The following CENPC variants were observed in gnomAD, a reference collection of about 807,000 sequenced individuals.
CENPC encodes the protein centromere protein C.
A neutral mutation model predicts 112.1 loss-of-function variants in CENPC; 63 were observed. The ratio of observed to expected loss-of-function variants is 0.56; its 90% CI spans 0.46 to 0.69. The LOEUF (loss-of-function observed/expected upper bound fraction) is 0.69. Among genes scored for constraint, CENPC ranks in the 30% least tolerant of loss-of-function variants. The probability of loss-of-function intolerance (pLI) is 0.00; values close to 1 mark genes in which losing one functional copy is unlikely to be tolerated. For missense variants in CENPC, 1,000 were observed against 1,103.8 expected, an observed-to-expected ratio of 0.91 and a Z score of 1.33; for synonymous variants, 333 against 367.6, an observed-to-expected ratio of 0.91 and a Z score of 1.08.
chr4:67,521,513 T>A (rs1404751316), intron 5 of CENPC, among the ~76,000 whole-genome samples: 3 of 152,168 alleles, frequency 2.0e-5, no homozygotes, highest in Non-Finnish European at 4.4e-5. Flanking sequence ...GGATGACTAT[T>A]ATTTATAAAA....
Position 67,519,516 on chromosome 4 carries a change from A to T in CENPC, c.332-14T>A. The stretch of plus-strand genomic sequence containing the variant: ...CATGGGCCTGAACTAGAAGAAAATT[A>T]TATAAAGATATTTGTCAATTAAAAG... On this transcript the variant is annotated splice_polypyrimidine_tract_variant and intron_variant, in intron 5 of 18. Coordinates refer to ENST00000273853, the MANE Select transcript of CENPC (RefSeq NM_001812.4). 7.0e-7 allele frequency: 1 copy of T among 1,426,222 alleles called. No individual in the cohort carries two copies. Among genetic ancestry groups the T allele is most frequent in the Middle Eastern group, 1.9e-4 (1 of 5,326 alleles). 88.3% of individuals were successfully genotyped at this position (1,426,222 alleles called of 1,614,324 possible). A position where few individuals can be genotyped will look rare whatever the true frequency, so the allele number is the denominator to read the frequency against.
intron 12 of CENPC, among the ~76,000 whole-genome samples, chr4:67,497,239 A>T (rs906455840): frequency 1.3e-5 from 2 of 151,860 alleles, no homozygotes; most frequent in Non-Finnish European, 2.9e-5. Context: ...TTAGCCGGGC[A>T]TGGTGGCACA....
intron 10 of CENPC, among the ~76,000 whole-genome samples, chr4:67,507,666 A>G (rs1339269269): frequency 3.3e-5 from 5 of 152,142 alleles, no homozygotes; most frequent in African/African-American, 9.7e-5. Flanking sequence ...TTTACCAAAC[A>G]TTCAAAGAGA....
intron 12 of CENPC, among the ~76,000 whole-genome samples, chr4:67,504,222 T>C (rs1171900851): frequency 6.6e-6 from 1 of 151,502 alleles, no homozygotes; most frequent in African/African-American, 2.4e-5. Flanking sequence ...GAAAAATCAC[T>C]ACAATTTAGA....
At chr4:67,492,050 G>C (rs1485222481) in intron 16 of CENPC, 130 bp downstream of exon 16, 3 of 585,086 alleles carry the variant, frequency 5.1e-6, no homozygotes, top group Non-Finnish European at 8.8e-6. Flanking sequence ...GTTGGAATTA[G>C]ACTCTTCTGG....
At chr4:67,509,201 TACACATAC>T (rs1560431533) in intron 9 of CENPC, 96 bp from the exon 10 acceptor site, 6 of 576,176 alleles carry the variant, frequency 1.0e-5, no homozygotes, top group African/African-American at 5.2e-5. Context: ...TATAAACATA[TACACATAC>T]ACACACACAC....
chr4:67,529,749 A>C (rs775703254), intron 5 of CENPC, among the ~76,000 whole-genome samples: 8 of 152,244 alleles, frequency 5.3e-5, no homozygotes, highest in Non-Finnish European at 1.2e-4. Flanking sequence ...TAGAATTCCA[A>C]AAGTTTATTT....
At chr4:67,520,126 T>C (rs1385116699) in intron 5 of CENPC, among the ~76,000 whole-genome samples, 1 of 151,940 alleles carries the variant, frequency 6.6e-6, no homozygotes, top group African/African-American at 2.4e-5. Flanking sequence ...TGGGTGGAAA[T>C]GCATTCTCTG....
At position 67,470,552 on chromosome 4, in the gene CENPC, A is replaced by C. The variant is rs1724628583; in HGVS notation, c.*2053T>G. The C allele has an allele frequency of 6.8e-6, 1 of 147,668 alleles. No homozygotes were observed. The highest frequency in any genetic ancestry group is 1.5e-5 in the Non-Finnish European group (1 of 67,182). 9.1% of individuals were successfully genotyped at this position (147,668 alleles called of 1,614,324 possible). On this transcript the variant is annotated 3_prime_UTR_variant, in exon 19 of 19. Coordinates refer to ENST00000273853, the MANE Select transcript of CENPC (RefSeq NM_001812.4). Reference sequence around the variant, plus strand: ...ACACCATCGCACTCCAGCCCAGGCAACAAGAGTGAAACTCTGCCTCAAAAA... The same window carrying C: ...ACACCATCGCACTCCAGCCCAGGCACCAAGAGTGAAACTCTGCCTCAAAAA...
rs1726146993 is a variant in CENPC at position 67,519,206 on chromosome 4, T to C, written c.617+11A>G. 1.3e-6 allele frequency: 2 copies of C among 1,522,902 alleles called. No homozygotes were observed. The highest frequency in any genetic ancestry group is 1.4e-5 in the African/African-American group (1 of 71,806). The allele number at this position is 1,522,902 out of a possible 1,614,324, so 94.3% of individuals were successfully genotyped here. ...TTAAAGTGCGTTAACATTATTTAAA[T>C]AAAATGTTACCTTTTTTTGGTTTTA... is the stretch of plus-strand genomic sequence containing the variant. On this transcript the variant is annotated intron_variant, in intron 6 of 18. Transcript: ENST00000273853.
At chr4:67,493,645 G>A (rs1048644271) in intron 14 of CENPC, 8 of 389,228 alleles carry the variant, frequency 2.1e-5, no homozygotes, top group South Asian at 1.4e-4. Context: ...CTAATCTAAC[G>A]CTTTATATTA....
At chr4:67,533,964 G>C (rs974586742) in intron 4 of CENPC, among the ~76,000 whole-genome samples, 1 of 152,198 alleles carries the variant, frequency 6.6e-6, no homozygotes, top group Non-Finnish European at 1.5e-5. Flanking sequence ...CTTGAGCCCA[G>C]AGGTTTGAGG....
At chr4:67,502,324 C>A (rs950331585) in intron 12 of CENPC, among the ~76,000 whole-genome samples, 1 of 152,042 alleles carries the variant, frequency 6.6e-6, no homozygotes, top group Non-Finnish European at 1.5e-5. Context: ...ACTGACACAG[C>A]GAGTCAAAAA....
intron 12 of CENPC, among the ~76,000 whole-genome samples, chr4:67,499,756 G>A (rs966858672): frequency 6.6e-6 from 1 of 152,072 alleles, no homozygotes; most frequent in African/African-American, 2.4e-5. Context: ...TTTGGTGCCC[G>A]AGGCCTAGCT....
intron 10 of CENPC, 56 bp downstream of exon 10, chr4:67,508,758 A>G: frequency 6.6e-7 from 1 of 1,525,096 alleles, no homozygotes; most frequent in Admixed American, 2.0e-5. Context: ...AAATAGCACA[A>G]ATTATTAAAT....
intron 4 of CENPC, among the ~76,000 whole-genome samples, chr4:67,537,037 A>AG (rs1045227124): frequency 2.0e-5 from 3 of 151,114 alleles, no homozygotes; most frequent in Admixed American, 1.3e-4. Context: ...TAAAAAAAAA[A>AG]AAAAAAAAGA....
chr4:67,522,235 T>C (rs956155286), intron 5 of CENPC, among the ~76,000 whole-genome samples: 1 of 152,176 alleles, frequency 6.6e-6, no homozygotes, highest in Non-Finnish European at 1.5e-5. Context: ...AGTATTTAAG[T>C]TGGGAATTCG....
chr4:67,539,880 C>A lies in CENPC; in HGVS notation c.191G>T (p.Arg64Leu). Residue 64 changes from arginine (R) to leucine (L), a missense_variant, in exon 4 of 19, where the codon CGC becomes CTC. Arg to Leu is a moderately radical substitution (Grantham distance 102). Transcript: ENST00000273853. The stretch of plus-strand genomic sequence containing the variant: ...CTGAATACAAGTGTCTTTTATTTTG[C>A]GTGTTGAATTAGGCACTGATTTTGT... ...NSTKSVPNST[R>L]KIKDTCIQSP... 1.3e-6 allele frequency: 2 copies of A among 1,534,142 alleles called. No homozygotes were observed. Among genetic ancestry groups the A allele is most frequent in the Non-Finnish European group, 1.8e-6 (2 of 1,142,506 alleles).
intron 12 of CENPC, among the ~76,000 whole-genome samples, chr4:67,495,688 T>C (rs1328219675): frequency 1.3e-5 from 2 of 152,172 alleles, no homozygotes; most frequent in African/African-American, 4.8e-5. Flanking sequence ...TTTCTATTGC[T>C]CATGGAAAGA....
Sources: allele counts gnomAD v4.1 joint callset (sites outside exome capture counted in the v4.1 genomes callset), GRCh38; gene constraint gnomAD v4.1.1; transcripts MANE v1.5; gene names NCBI Gene and HGNC (gene_info 2026-07-23, HGNC 2026-07-21).